The following DOCK4 variants were observed in gnomAD, a reference collection of about 807,000 sequenced individuals.
DOCK4 encodes the protein dedicator of cytokinesis 4, also known as dedicator of cytokinesis protein 4.
Under a neutral mutation model 268.1 loss-of-function variants are expected in DOCK4, and 97 were observed. The observed-to-expected ratio is 0.36, with a 90% CI of 0.31 to 0.43. The LOEUF is 0.43. Ranked by LOEUF, DOCK4 falls within the 20% of genes least tolerant of loss-of-function variation. DOCK4 has a pLI of 1.00. For missense variants in DOCK4, 2,145 were observed against 2,455.7 expected (o/e 0.87, Z 2.67); for synonymous variants, 954 against 887.2 (o/e 1.08, Z -1.34).
chr7:112,113,226 G>A (rs1325077588), intron 1 of DOCK4, among the ~76,000 whole-genome samples: 5 of 152,218 alleles, frequency 3.3e-5, no homozygotes, highest in Admixed American at 6.5e-5. Flanking sequence ...AAATACAAAC[G>A]CCAGTATTGA....
chr7:111,795,683 T>C (rs1799843053), intron 30 of DOCK4, among the ~76,000 whole-genome samples: 1 of 152,178 alleles, frequency 6.6e-6, no homozygotes, highest in Non-Finnish European at 1.5e-5. Flanking sequence ...AGTGGAGCTC[T>C]GCTATAGTAG....
At chr7:111,881,133 G>C (rs1228519350) in intron 16 of DOCK4, among the ~76,000 whole-genome samples, 8 of 152,124 alleles carry the variant, frequency 5.3e-5, no homozygotes, top group Admixed American at 5.2e-4. Context: ...AAAGTGAAGA[G>C]ACAACCCACA....
intron 1 of DOCK4, among the ~76,000 whole-genome samples, chr7:112,099,784 C>T (rs1444111503): frequency 6.6e-6 from 1 of 152,128 alleles, no homozygotes; most frequent in Non-Finnish European, 1.5e-5. Flanking sequence ...GATAAAACTA[C>T]CCCCTCCCTC....
chr7:112,191,628 T>C (rs6964483), intron 1 of DOCK4, among the ~76,000 whole-genome samples: 14,811 of 152,212 alleles, frequency 0.097, 860 homozygotes, highest in Admixed American at 0.16. Flanking sequence ...CCCCAAAGCC[T>C]GGGGCTGTGC....
chr7:111,983,156 T>C (rs1424316279), intron 7 of DOCK4, among the ~76,000 whole-genome samples: 2 of 152,290 alleles, frequency 1.3e-5, no homozygotes, highest in East Asian at 1.9e-4. Context: ...CAATGAAGTG[T>C]AGATAATCTG....
intron 22 of DOCK4, among the ~76,000 whole-genome samples, chr7:111,867,270 C>T (rs995239335): frequency 2.0e-5 from 3 of 152,176 alleles, no homozygotes; most frequent in Admixed American, 1.3e-4. Context: ...TCAATGATTA[C>T]AAGTTTCTCT....
In DOCK4 at chr7:111,810,420, C is replaced by T. The variant is rs71561749; in HGVS notation, c.3007-1019G>A. ...TGAGCCGAGATTGCGCCACTGCACTCCAGACTGGGCGACAGAGGGAGATTC... is the reference window on the plus strand; with the variant it reads ...TGAGCCGAGATTGCGCCACTGCACTTCAGACTGGGCGACAGAGGGAGATTC... On this transcript the variant is annotated intron_variant, in intron 28 of 52. Transcript: ENST00000428084. Among the ~76,000 whole-genome samples the T allele has an allele frequency of 7.4e-3, 1,118 of 151,256 alleles. 7 individuals are homozygous for T. The highest frequency in any genetic ancestry group is 0.011 in the Non-Finnish European group (775 of 67,876).
Position 111,979,073 on chromosome 7 carries a change from G to A in DOCK4, c.550-1790C>T, listed in dbSNP as rs145606998. On this transcript the variant is annotated intron_variant, in intron 7 of 52. Transcript: ENST00000428084. ...TGAGGGATAAGGTAAATGACCCTAC[G>A]TCTACATTAGCCATCTTTTTACGCC... 8.2e-3 allele frequency among the ~76,000 whole-genome samples: 1,253 copies of A among 152,284 alleles called. 21 individuals are homozygous for A. Among genetic ancestry groups the A allele is most frequent in the African/African-American group, 0.025 (1,058 of 41,558 alleles).
Position 111,976,326 on chromosome 7 carries a change from G to A in DOCK4, c.701+806C>T, listed in dbSNP as rs56391370. 5.1e-3 allele frequency among the ~76,000 whole-genome samples: 414 copies of A among 81,910 alleles called. 11 individuals are homozygous for A. Among genetic ancestry groups the A allele is most frequent in the African/African-American group, 0.018 (394 of 21,510 alleles). The allele number at this position is 81,910 out of a possible 152,430, so 53.7% of individuals were successfully genotyped here. On this transcript the variant is annotated intron_variant, in intron 8 of 52. Transcript: ENST00000428084. Reference sequence around the variant, plus strand: ...ATATATATATATATATATGAGACTCGGTATTGCCTAAAATTGTTAGTGTTT... The same window carrying A: ...ATATATATATATATATATGAGACTCAGTATTGCCTAAAATTGTTAGTGTTT...
chr7:111,867,756 A>G (rs186097998), intron 22 of DOCK4, among the ~76,000 whole-genome samples: 34 of 152,298 alleles, frequency 2.2e-4, no homozygotes, highest in African/African-American at 8.2e-4. Flanking sequence ...ATGCAAACCA[A>G]TAGCCTCTCC....
At chr7:111,892,281 A>G (rs1808347923) in intron 16 of DOCK4, among the ~76,000 whole-genome samples, 1 of 151,956 alleles carries the variant, frequency 6.6e-6, no homozygotes, top group African/African-American at 2.4e-5. Context: ...GCTCACTGTA[A>G]CCTCCGCCTC....
chr7:111,991,187 T>C (rs911552321), intron 5 of DOCK4, among the ~76,000 whole-genome samples: 8 of 151,394 alleles, frequency 5.3e-5, no homozygotes, highest in African/African-American at 1.7e-4. Context: ...AGAACACTAA[T>C]AAGAAAAGGT....
chr7:111,914,382 G>A (rs2134518672), intron 13 of DOCK4, among the ~76,000 whole-genome samples: 1 of 152,264 alleles, frequency 6.6e-6, no homozygotes, highest in Admixed American at 6.5e-5. Context: ...GTAAAGCAGT[G>A]TCACACCTCT....
At chr7:112,119,093 T>C (rs532585401) in intron 1 of DOCK4, among the ~76,000 whole-genome samples, 1 of 152,114 alleles carries the variant, frequency 6.6e-6, no homozygotes, top group Admixed American at 6.5e-5. Flanking sequence ...CCATAGACAA[T>C]GGCCAAGTCA....
At chr7:112,083,156 T>C (rs1422413280) in intron 1 of DOCK4, among the ~76,000 whole-genome samples, 1 of 152,108 alleles carries the variant, frequency 6.6e-6, no homozygotes, top group Non-Finnish European at 1.5e-5. Context: ...TAAGGTAAAG[T>C]AAATTTCAAT....
intron 44 of DOCK4, among the ~76,000 whole-genome samples, chr7:111,743,820 T>C (rs1796092226): frequency 1.3e-5 from 2 of 152,284 alleles, no homozygotes; most frequent in Admixed American, 6.5e-5. Context: ...AAAATTTATC[T>C]GTATTTTAAT....
At chr7:112,199,448 T>G (rs886986910) in intron 1 of DOCK4, among the ~76,000 whole-genome samples, 1 of 152,294 alleles carries the variant, frequency 6.6e-6, no homozygotes, top group Admixed American at 6.5e-5. Context: ...TCCACTTTTT[T>G]GATGATTTTT....
intron 30 of DOCK4, among the ~76,000 whole-genome samples, chr7:111,792,421 C>T (rs529300423): frequency 3.3e-5 from 5 of 152,250 alleles, no homozygotes; most frequent in African/African-American, 7.2e-5. Context: ...CTCACTCTGT[C>T]GCCCAGGCTG....
At chr7:112,025,524 G>C (rs1422706555) in intron 1 of DOCK4, among the ~76,000 whole-genome samples, 1 of 150,444 alleles carries the variant, frequency 6.6e-6, no homozygotes, top group African/African-American at 2.5e-5. Context: ...TCCTTTTTCA[G>C]CCACCCTAAT....
Sources: allele counts gnomAD v4.1 joint callset (sites outside exome capture counted in the v4.1 genomes callset), GRCh38; gene constraint gnomAD v4.1.1; transcripts MANE v1.5; gene names NCBI Gene and HGNC (gene_info 2026-07-23, HGNC 2026-07-21).